GRK4: variants seen among roughly 807,000 people sequenced by gnomAD.
GRK4 encodes G protein-coupled receptor kinase 2-like.
GRK4 carries 73 observed loss-of-function variants against 77.9 expected under a neutral mutation model. The observed-to-expected ratio is 0.94, with a 90% CI of 0.78 to 1.14. The LOEUF (loss-of-function observed/expected upper bound fraction) is 1.14. Among genes scored for constraint, GRK4 ranks in the 50% most tolerant of loss-of-function variants. GRK4 has a pLI of 0.00. For missense variants in GRK4, 729 were observed against 700.2 expected (o/e 1.04, Z -0.46); for synonymous variants, 257 against 254.4 (o/e 1.01, Z -0.10).
At chr4:2,967,826 C>G (rs1402105786) in intron 1 of GRK4, among the ~76,000 whole-genome samples, 2 of 151,520 alleles carry the variant, frequency 1.3e-5, no homozygotes, top group African/African-American at 4.9e-5. Flanking sequence ...CTCTTGTTGC[C>G]CAGGCTGGAG....
At chr4:2,982,317 G>T (rs938008534) in intron 1 of GRK4, among the ~76,000 whole-genome samples, 2 of 152,274 alleles carry the variant, frequency 1.3e-5, no homozygotes, top group African/African-American at 4.8e-5. Flanking sequence ...GAAGGTGGAA[G>T]CACTGGTTCT....
Position 2,963,915 on chromosome 4 carries a change from T to A in GRK4, c.-156T>A. The A allele has an allele frequency of 2.8e-6, 2 of 711,604 alleles. No individual in the cohort carries two copies. Among genetic ancestry groups the A allele is most frequent in the Non-Finnish European group, 4.9e-6 (2 of 411,076 alleles). The allele number at this position is 711,604 out of a possible 1,614,324, so 44.1% of individuals were successfully genotyped here. The stretch of plus-strand genomic sequence containing the variant: ...GCGGCGGCGGCGCCCTTGGTGGCAG[T>A]GGTGGCGGCGGAGCAGCCTCCCGGG... On this transcript the variant is annotated 5_prime_UTR_variant, in exon 1 of 16. Coordinates refer to ENST00000398052, the MANE Select transcript of GRK4 (RefSeq NM_182982.3).
chr4:3,036,258 G>T (rs1389211032), intron 13 of GRK4, among the ~76,000 whole-genome samples: 2 of 152,196 alleles, frequency 1.3e-5, no homozygotes. Context: ...CTGTGGCCTG[G>T]CCCCGTACTG....
chr4:3,022,576 A>G, intron 10 of GRK4, 125 bp downstream of exon 10: 1 of 824,144 alleles, frequency 1.2e-6, no homozygotes, highest in Non-Finnish European at 1.9e-6. Flanking sequence ...AAAAAGAAAA[A>G]CTCTGTGGTA....
rs1731727930 is a variant in GRK4 at position 3,007,762 on chromosome 4, A to C, written c.470A>C (p.Glu157Ala). ...TRVAHNYLRG[E>A]PFEEYQESSY... ...GTTGCCCATAACTACCTAAGAGGGG[A>C]ACCATTTGAAGAATACCAAGAAAGC... Residue 157 changes from glutamate (E) to alanine (A), a missense_variant, in exon 6 of 16, where the codon GAA becomes GCA. Physicochemically the swap from Glu to Ala is moderately radical, Grantham distance 107. Transcript: ENST00000398052. 1.1e-5 allele frequency: 18 copies of C among 1,610,394 alleles called. No homozygotes were observed. The highest frequency in any genetic ancestry group is 1.5e-5 in the Non-Finnish European group (18 of 1,177,962).
At chr4:2,970,328 C>T (rs1719087070) in intron 1 of GRK4, among the ~76,000 whole-genome samples, 1 of 152,102 alleles carries the variant, frequency 6.6e-6, no homozygotes, top group South Asian at 2.1e-4. Context: ...CTTTATGCTA[C>T]TTTAGGACCA....
chr4:3,037,340 C>A, intron 13 of GRK4, 34 bp from the exon 14 acceptor site: 1 of 1,550,158 alleles, frequency 6.5e-7, no homozygotes, highest in South Asian at 1.2e-5. Flanking sequence ...TTGCTGTAGT[C>A]ATCTCAGAGG....
intron 2 of GRK4, among the ~76,000 whole-genome samples, chr4:2,985,169 T>A (rs930558243): frequency 1.3e-5 from 2 of 151,408 alleles, no homozygotes; most frequent in Non-Finnish European, 2.9e-5. Flanking sequence ...TCCCGGCACT[T>A]TGGGAGGCCG....
At chr4:3,030,667 TG>T (rs1382422967) in intron 12 of GRK4, among the ~76,000 whole-genome samples, 4 of 149,328 alleles carry the variant, frequency 2.7e-5, no homozygotes, top group Non-Finnish European at 4.4e-5. Context: ...GTCGGCCTGC[TG>T]GGCAGAGCAG....
chr4:3,038,763 C>T, intron 15 of GRK4: 1 of 436,494 alleles, frequency 2.3e-6, no homozygotes, highest in Non-Finnish European at 4.1e-6. Context: ...CATTTACAAA[C>T]AGGTTCCCGT....
chr4:2,964,130 C>T lies in GRK4; in HGVS notation c.52+8C>T. On this transcript the variant is annotated splice_region_variant and intron_variant, in intron 1 of 15. Transcript: ENST00000398052. ...TGCTGAAAGCGCGTCAAGGTGGGTG[C>T]GCGGCAGGCGCCCCCGACCCCCCCC... 6.3e-7 allele frequency: 1 copy of T among 1,588,900 alleles called. No homozygotes were observed. The highest frequency in any genetic ancestry group is 8.5e-7 in the Non-Finnish European group (1 of 1,171,066).
intron 7 of GRK4, among the ~76,000 whole-genome samples, chr4:3,010,849 C>G (rs997327832): frequency 6.6e-6 from 1 of 152,152 alleles, no homozygotes; most frequent in African/African-American, 2.4e-5. Flanking sequence ...TAGGAGGCAG[C>G]ACACTGCACC....
chr4:3,038,798 G>A (rs1057247646), intron 15 of GRK4: 2 of 341,830 alleles, frequency 5.9e-6, no homozygotes, highest in African/African-American at 2.1e-5. Context: ...AGTTTACACT[G>A]GGCTCAGAAA....
At position 2,964,127 on chromosome 4, in the gene GRK4, G is replaced by T. The variant is rs780542048; in HGVS notation, c.52+5G>T. The T allele has an allele frequency of 1.3e-6, 2 of 1,597,314 alleles. No individual in the cohort carries two copies. Among genetic ancestry groups the T allele is most frequent in the African/African-American group, 1.3e-5 (1 of 74,756 alleles). ...TGCTGCTGAAAGCGCGTCAAGGTGG[G>T]TGCGCGGCAGGCGCCCCCGACCCCC... is the stretch of plus-strand genomic sequence containing the variant. On this transcript the variant is annotated splice_donor_5th_base_variant and intron_variant, in intron 1 of 15. Coordinates refer to ENST00000398052, the MANE Select transcript of GRK4 (RefSeq NM_182982.3).
At chr4:3,036,708 G>A (rs554625869) in intron 13 of GRK4, among the ~76,000 whole-genome samples, 1 of 152,224 alleles carries the variant, frequency 6.6e-6, no homozygotes, top group Non-Finnish European at 1.5e-5. Context: ...CTGTCCCAGA[G>A]GAGGGACCTG....
intron 8 of GRK4, among the ~76,000 whole-genome samples, chr4:3,018,331 G>GA (rs1735130261): frequency 1.3e-5 from 2 of 152,100 alleles, no homozygotes; most frequent in Admixed American, 1.3e-4. Flanking sequence ...TTAGAAAATG[G>GA]AAATGTTACT....
chr4:3,012,011 A>G (rs1281481000), intron 7 of GRK4, among the ~76,000 whole-genome samples: 1 of 152,110 alleles, frequency 6.6e-6, no homozygotes, highest in Non-Finnish European at 1.5e-5. Context: ...TCGTGATCTC[A>G]TCTCTAGCAG....
intron 3 of GRK4, among the ~76,000 whole-genome samples, chr4:2,991,807 C>T (rs1420845637): frequency 2.6e-5 from 4 of 152,210 alleles, no homozygotes; most frequent in East Asian, 3.9e-4. Flanking sequence ...CCACTGCTCC[C>T]GGCCCTGAGA....
intron 1 of GRK4, among the ~76,000 whole-genome samples, chr4:2,974,951 T>C (rs1195297808): frequency 1.3e-5 from 2 of 152,206 alleles, no homozygotes; most frequent in East Asian, 1.9e-4. Context: ...GTCTGCCCTC[T>C]AGCCACCAAA....
Sources: gnomAD v4.1 joint callset for allele counts (sites outside exome capture counted in the v4.1 genomes callset) on GRCh38, gnomAD v4.1.1 for gene constraint, MANE v1.5 for transcripts, NCBI Gene and HGNC (gene_info 2026-07-23, HGNC 2026-07-21) for gene names.